Variants in MGLL observed in about 807,000 individuals in gnomAD.
The protein encoded by MGLL is monoglyceride lipase, also known as lysophospholipase homolog.
Under a neutral mutation model 29.1 loss-of-function variants are expected in MGLL, and 7 were observed. That is an observed-to-expected ratio of 0.24 (90% CI 0.14 to 0.45). The LOEUF (loss-of-function observed/expected upper bound fraction) is 0.45. MGLL is among the 20% of genes least tolerant of loss of function. The pLI, the probability that MGLL is intolerant of heterozygous loss-of-function variation, is 0.99. For missense variants in MGLL, 356 were observed against 413.6 expected (o/e 0.86, Z 1.21); for synonymous variants, 148 against 168.3 (o/e 0.88, Z 0.93).
chr3:127,754,083 G>A (rs374802924), intron 3 of MGLL, among the ~76,000 whole-genome samples: 2 of 152,302 alleles, frequency 1.3e-5, no homozygotes, highest in East Asian at 1.9e-4. Context: ...GTGGTGGCCC[G>A]CTGGGGCCTG....
intron 3 of MGLL, among the ~76,000 whole-genome samples, chr3:127,773,176 T>C (rs2076977326): frequency 1.3e-5 from 2 of 152,194 alleles, no homozygotes; most frequent in African/African-American, 4.8e-5. Context: ...TGCTTGTGAA[T>C]GTTATTATTT....
intron 3 of MGLL, chr3:127,735,901 G>C: frequency 6.5e-7 from 1 of 1,546,484 alleles, no homozygotes; most frequent in South Asian, 1.2e-5. Context: ...GCTCTGCAAA[G>C]AGATGGGGCA....
At chr3:127,768,450 C>T (rs970996335) in intron 3 of MGLL, among the ~76,000 whole-genome samples, 4 of 152,196 alleles carry the variant, frequency 2.6e-5, no homozygotes, top group African/African-American at 9.6e-5. Flanking sequence ...ACCACACTGC[C>T]ACTTCCTGTG....
At chr3:127,778,625 G>A (rs1177382015) in intron 3 of MGLL, among the ~76,000 whole-genome samples, 1 of 152,202 alleles carries the variant, frequency 6.6e-6, no homozygotes, top group Non-Finnish European at 1.5e-5. Context: ...AGACATGGGA[G>A]GTTTGGATGT....
intron 3 of MGLL, among the ~76,000 whole-genome samples, chr3:127,780,720 C>A (rs1301943579): frequency 1.3e-5 from 2 of 152,230 alleles, no homozygotes; most frequent in African/African-American, 4.8e-5. Flanking sequence ...AAGGCTTTCC[C>A]GCATTTACAA....
At chr3:127,706,732 T>C (rs2075610071) in intron 6 of MGLL, among the ~76,000 whole-genome samples, 1 of 152,150 alleles carries the variant, frequency 6.6e-6, no homozygotes, top group Non-Finnish European at 1.5e-5. Flanking sequence ...TGATGAACGA[T>C]AGAGAGCCAC....
rs753651698 is a variant in MGLL at position 127,759,056 on chromosome 3, A to G, written c.262+22733T>C. Among the ~76,000 whole-genome samples the G allele has an allele frequency of 6.6e-4, 100 of 151,560 alleles. 3 individuals carry two copies. Among genetic ancestry groups the G allele is most frequent in the Non-Finnish European group, 1.6e-4 (11 of 67,950 alleles). The stretch of plus-strand genomic sequence containing the variant: ...TCCTGCCTCAGCGTCCTGAGTAGCT[A>G]GCTGGGATTACAGGTACATGCCACC... On this transcript the variant is annotated intron_variant, in intron 3 of 7. Coordinates refer to ENST00000265052, the MANE Select transcript of MGLL (RefSeq NM_007283.7).
intron 3 of MGLL, among the ~76,000 whole-genome samples, chr3:127,779,272 C>G (rs932688860): frequency 6.6e-6 from 1 of 152,090 alleles, no homozygotes; most frequent in Non-Finnish European, 1.5e-5. Context: ...GAGGCTAAGA[C>G]AGGATAATCG....
chr3:127,731,876 C>T (rs1356313089), intron 3 of MGLL, among the ~76,000 whole-genome samples: 1 of 152,204 alleles, frequency 6.6e-6, no homozygotes, highest in Non-Finnish European at 1.5e-5. Context: ...TTACCATATC[C>T]AATTAAAACA....
intron 3 of MGLL, among the ~76,000 whole-genome samples, chr3:127,736,857 G>A (rs564205833): frequency 6.6e-6 from 1 of 152,132 alleles, no homozygotes; most frequent in Non-Finnish European, 1.5e-5. Context: ...ACCACGCCTG[G>A]CTAATTTTTG....
At chr3:127,724,783 C>T (rs1299023559) in intron 3 of MGLL, among the ~76,000 whole-genome samples, 1 of 152,198 alleles carries the variant, frequency 6.6e-6, no homozygotes, top group East Asian at 1.9e-4. Flanking sequence ...GCTTGGTCTC[C>T]AAACAAGCTC....
Position 127,822,478 on chromosome 3 carries a change from C to T in MGLL, c.-160G>A, listed in dbSNP as rs1170628754. 2 of 725,742 alleles carry T rather than the reference C, an allele frequency of 2.8e-6. No homozygotes were observed. Among genetic ancestry groups the T allele is most frequent in the Non-Finnish European group, 4.7e-6 (2 of 424,912 alleles). 45.0% of individuals were successfully genotyped at this position (725,742 alleles called of 1,614,324 possible). A position where few individuals can be genotyped will look rare whatever the true frequency, so the allele number is the denominator to read the frequency against. ...CTGCCTTTCGGGCTGGGGCGCTCAG[C>T]CGGGAGCCTGCTTCCAGCTCCCACC... is the stretch of plus-strand genomic sequence containing the variant. On this transcript the variant is annotated 5_prime_UTR_variant, in exon 1 of 8. Coordinates refer to ENST00000265052, the MANE Select transcript of MGLL (RefSeq NM_007283.7).
chr3:127,694,234 C>G (rs2075302418), intron 7 of MGLL, among the ~76,000 whole-genome samples: 1 of 142,262 alleles, frequency 7.0e-6, no homozygotes, highest in South Asian at 2.2e-4. Context: ...GGCGCCGCTG[C>G]ACTCCAGCCT....
intron 6 of MGLL, 131 bp downstream of exon 6, chr3:127,710,445 C>T: frequency 1.1e-6 from 1 of 874,164 alleles, no homozygotes; most frequent in Non-Finnish European, 1.9e-6. Flanking sequence ...TAATGCACCA[C>T]TGTGTCCTTG....
At chr3:127,814,023 C>T (rs1056893939) in intron 2 of MGLL, among the ~76,000 whole-genome samples, 2 of 151,500 alleles carry the variant, frequency 1.3e-5, no homozygotes, top group East Asian at 1.9e-4. Context: ...TCCTTCTTTC[C>T]TTCCTTCCTT....
intron 3 of MGLL, among the ~76,000 whole-genome samples, chr3:127,723,564 G>A (rs577953896): frequency 2.3e-4 from 34 of 150,640 alleles, no homozygotes; most frequent in South Asian, 1.9e-3. Flanking sequence ...GCCCCCCCAC[G>A]GTCTGTCTGA....
chr3:127,744,069 T>C (rs2107658812), intron 3 of MGLL, among the ~76,000 whole-genome samples: 1 of 152,208 alleles, frequency 6.6e-6, no homozygotes, highest in South Asian at 2.1e-4. Context: ...TTGAAAAAGG[T>C]ATAAAGATGC....
At chr3:127,769,951 A>G (rs1287896826) in intron 3 of MGLL, among the ~76,000 whole-genome samples, 1 of 152,134 alleles carries the variant, frequency 6.6e-6, no homozygotes, top group Non-Finnish European at 1.5e-5. Context: ...TGTCATCTCG[A>G]CATCAGCCTG....
intron 2 of MGLL, among the ~76,000 whole-genome samples, chr3:127,795,560 T>C (rs1356824368): frequency 6.6e-6 from 1 of 152,056 alleles, no homozygotes; most frequent in Admixed American, 6.6e-5. Flanking sequence ...AAGTTGATAC[T>C]TTAAAAAAAA....
Sources: gnomAD v4.1 joint callset for allele counts (sites outside exome capture counted in the v4.1 genomes callset) on GRCh38, gnomAD v4.1.1 for gene constraint, MANE v1.5 for transcripts, NCBI Gene and HGNC (gene_info 2026-07-23, HGNC 2026-07-21) for gene names.